The following MOV10L1 variants were observed in gnomAD, a reference collection of about 807,000 sequenced individuals.
The protein encoded by MOV10L1 is RNA helicase Mov10l1.
Under a neutral mutation model 143.8 loss-of-function variants are expected in MOV10L1, and 110 were observed. That is an observed-to-expected ratio of 0.76 (90% CI 0.66 to 0.90). The LOEUF is 0.90. Among genes scored for constraint, MOV10L1 ranks in the 40% least tolerant of loss-of-function variants. The pLI is 0.00. For missense variants in MOV10L1, 1,406 were observed against 1,526.8 expected (o/e 0.92, Z 1.32); for synonymous variants, 593 against 581.1 (o/e 1.02, Z -0.29).
At chr22:50,099,980 TTTTTG>T (rs1007048837) in intron 3 of MOV10L1, among the ~76,000 whole-genome samples, 2 of 92,228 alleles carry the variant, frequency 2.2e-5, no homozygotes, top group South Asian at 4.4e-4. Context: ...TGTTTTGTTT[TTTTTG>T]TTTTTGTTTT....
intron 8 of MOV10L1, among the ~76,000 whole-genome samples, chr22:50,115,993 CCAAA>C: frequency 6.6e-6 from 1 of 152,214 alleles, no homozygotes; most frequent in Admixed American, 6.5e-5. Flanking sequence ...CATCAGCTGA[CCAAA>C]CAGGCCCTGT....
intron 24 of MOV10L1, among the ~76,000 whole-genome samples, chr22:50,160,371 C>T (rs1383490228): frequency 1.3e-5 from 2 of 151,368 alleles, no homozygotes; most frequent in African/African-American, 2.4e-5. Flanking sequence ...CTCAGCCTCT[C>T]GAGTAGCTGG....
chr22:50,143,268 A>G (rs368670348), intron 17 of MOV10L1, 47 bp downstream of exon 17: 3 of 1,584,808 alleles, frequency 1.9e-6, no homozygotes, highest in African/African-American at 2.7e-5. Context: ...GCTGCTGTTC[A>G]TGTGTCGTCT....
chr22:50,161,224 C>A, intron 26 of MOV10L1, 144 bp from the exon 27 acceptor site: 1 of 977,314 alleles, frequency 1.0e-6, no homozygotes, highest in Non-Finnish European at 1.5e-6. Context: ...GTTTCCTGGA[C>A]ATTTGGGGTC....
At chr22:50,139,449 C>T (rs1398980001) in intron 15 of MOV10L1, among the ~76,000 whole-genome samples, 2 of 151,874 alleles carry the variant, frequency 1.3e-5, no homozygotes, top group East Asian at 1.9e-4. Flanking sequence ...CAATGGCATA[C>T]ACTTTTAGTC....
At chr22:50,130,297 T>TTA (rs541005910) in intron 13 of MOV10L1, among the ~76,000 whole-genome samples, 315 of 151,896 alleles carry the variant, frequency 2.1e-3, no homozygotes, top group African/African-American at 7.0e-3. Context: ...TAAATAAATT[T>TTA]TATATATATA....
chr22:50,119,244 C>G (rs1221965399), intron 9 of MOV10L1, among the ~76,000 whole-genome samples: 1 of 152,204 alleles, frequency 6.6e-6, no homozygotes, highest in Admixed American at 6.5e-5. Flanking sequence ...TTTCCTGCCA[C>G]TCAGGTTAGT....
At chr22:50,127,770 GT>G (rs34095613) in intron 12 of MOV10L1, among the ~76,000 whole-genome samples, 2 of 150,586 alleles carry the variant, frequency 1.3e-5, no homozygotes, top group South Asian at 4.2e-4. Flanking sequence ...TGTAATGACT[GT>G]TTTTTTTGTT....
chr22:50,143,283 C>A, intron 17 of MOV10L1, 62 bp downstream of exon 17: 1 of 1,531,908 alleles, frequency 6.5e-7, no homozygotes, highest in South Asian at 1.1e-5. Flanking sequence ...TCGTCTGTGT[C>A]TTCAGGAAGT....
At chr22:50,109,220 C>T (rs764135396) in intron 5 of MOV10L1, among the ~76,000 whole-genome samples, 2 of 152,002 alleles carry the variant, frequency 1.3e-5, no homozygotes, top group Non-Finnish European at 2.9e-5. Flanking sequence ...CTTTAATAAG[C>T]CAAATAGTAG....
intron 13 of MOV10L1, among the ~76,000 whole-genome samples, chr22:50,130,413 G>A (rs2062637683): frequency 6.6e-6 from 1 of 151,854 alleles, no homozygotes; most frequent in Non-Finnish European, 1.5e-5. Flanking sequence ...GCAGTATTTG[G>A]GCTACAGCCA....
In MOV10L1 at chr22:50,158,304, G is replaced by C. The variant is rs1254866249; in HGVS notation, c.3216+98G>C. On this transcript the variant is annotated intron_variant, in intron 23 of 26. Coordinates refer to ENST00000262794, the MANE Select transcript of MOV10L1 (RefSeq NM_018995.3). The surrounding 1 kb of genome is among the most constrained non-coding windows in gnomAD (Gnocchi z 5.0). The stretch of plus-strand genomic sequence containing the variant: ...AGAGGCAGGAACAAGCTCCTTGTGA[G>C]CAGCAGCAGGTTTTTAAAGGGGCAG... 1 of 1,462,972 alleles carries C rather than the reference G, an allele frequency of 6.8e-7. No individual in the cohort carries two copies. The highest frequency in any genetic ancestry group is 9.3e-7 in the Non-Finnish European group (1 of 1,075,880). 90.6% of individuals were successfully genotyped at this position (1,462,972 alleles called of 1,614,324 possible).
chr22:50,108,591 T>G (rs1253655227), intron 4 of MOV10L1, 66 bp from the exon 5 acceptor site: 1 of 1,564,960 alleles, frequency 6.4e-7, no homozygotes, highest in African/African-American at 1.3e-5. Context: ...CTTGGGCGTG[T>G]GTTAGAGCTG....
chr22:50,144,320 G>A (rs1369838468), intron 18 of MOV10L1, 77 bp downstream of exon 18: 4 of 1,502,228 alleles, frequency 2.7e-6, no homozygotes, highest in African/African-American at 2.7e-5. Flanking sequence ...GGACAGGGGA[G>A]GGCAGGGGTA....
At chr22:50,122,949 A>G (rs1341776330) in intron 10 of MOV10L1, among the ~76,000 whole-genome samples, 1 of 151,952 alleles carries the variant, frequency 6.6e-6, no homozygotes, top group Non-Finnish European at 1.5e-5. Context: ...TGGCCTCCCA[A>G]AGTGTTGGAA....
chr22:50,141,915 G>A (rs1265837961), intron 15 of MOV10L1, among the ~76,000 whole-genome samples, 166 bp from the exon 16 acceptor site: 3 of 152,024 alleles, frequency 2.0e-5, no homozygotes, highest in Non-Finnish European at 4.4e-5. Flanking sequence ...TTATCTGATC[G>A]TTTGTTTTTT....
chr22:50,146,176 GGAC>G (rs759740534), intron 19 of MOV10L1, among the ~76,000 whole-genome samples: 6 of 139,162 alleles, frequency 4.3e-5, no homozygotes, highest in Admixed American at 1.6e-4. Flanking sequence ...AGGGGCCTTT[GGAC>G]GACCTCTGGT....
intron 16 of MOV10L1, 36 bp downstream of exon 16, chr22:50,142,225 C>A: frequency 6.5e-7 from 1 of 1,540,790 alleles, no homozygotes; most frequent in Non-Finnish European, 8.9e-7. Flanking sequence ...AAGAGCAACT[C>A]TGAGACTGTC....
At position 50,090,627 on chromosome 22, in the gene MOV10L1, A is replaced by G. The variant is rs1312808270; in HGVS notation, c.97+442A>G. 2.2e-6 allele frequency: 3 copies of G among 1,356,028 alleles called. No homozygotes were observed. In the East Asian group the frequency reaches 7.5e-5, roughly 34 times the overall value. The allele number at this position is 1,356,028 out of a possible 1,614,324, so 84.0% of individuals were successfully genotyped here. A position where few individuals can be genotyped will look rare whatever the true frequency, so the allele number is the denominator to read the frequency against. On this transcript the variant is annotated intron_variant, in intron 1 of 26. Coordinates refer to ENST00000262794, the MANE Select transcript of MOV10L1 (RefSeq NM_018995.3). ...CTGGTTTTCAAGCCCATCTTTCTAA[A>G]GCCCGGGATGCGCCCGGATGCCCTC...
Sources: gnomAD v4.1 joint callset for allele counts (sites outside exome capture counted in the v4.1 genomes callset) on GRCh38, gnomAD v4.1.1 for gene constraint, Gnocchi (gnomAD v3.1) non-coding constraint, MANE v1.5 for transcripts, NCBI Gene and HGNC (gene_info 2026-07-23, HGNC 2026-07-21) for gene names.